KIF21A: variants seen among roughly 807,000 people sequenced by gnomAD.
The protein encoded by KIF21A is kinesin family member 21A, also known as kinesin-like protein KIF21A.
In KIF21A, 114 loss-of-function variants were observed where a neutral mutation model predicts 202.9. The observed-to-expected ratio is 0.56, with a 90% CI of 0.48 to 0.66. KIF21A has a LOEUF of 0.66. KIF21A is among the 30% of genes least tolerant of loss of function. The probability of loss-of-function intolerance (pLI) is 0.00; values close to 1 mark genes in which losing one functional copy is unlikely to be tolerated. For missense variants in KIF21A, 1,677 were observed against 1,994.9 expected, an observed-to-expected ratio of 0.84 and a Z score of 3.04; for synonymous variants, 667 against 670.8, an observed-to-expected ratio of 0.99 and a Z score of 0.09.
intron 32 of KIF21A, among the ~76,000 whole-genome samples, chr12:39,311,036 A>G (rs1943974932): frequency 1.3e-5 from 2 of 152,080 alleles, no homozygotes; most frequent in Admixed American, 1.3e-4. Flanking sequence ...ACTGCCTAGC[A>G]TAGCCCCTGA....
intron 5 of KIF21A, 140 bp downstream of exon 5, chr12:39,366,890 C>A: frequency 1.1e-6 from 1 of 879,854 alleles, no homozygotes; most frequent in Non-Finnish European, 1.8e-6. Context: ...CCAGCTTCAA[C>A]TTAACTAGGA....
intron 1 of KIF21A, among the ~76,000 whole-genome samples, chr12:39,397,605 A>C: frequency 6.6e-6 from 1 of 152,254 alleles, no homozygotes; most frequent in East Asian, 1.9e-4. Context: ...GACCCAGAAC[A>C]GTTCCTGGTA....
chr12:39,305,466 C>A (rs1185725236), intron 34 of KIF21A, among the ~76,000 whole-genome samples: 1 of 151,732 alleles, frequency 6.6e-6, no homozygotes, highest in East Asian at 1.9e-4. Flanking sequence ...ACACTGCAGT[C>A]TCAATCTCCT....
Position 39,340,348 on chromosome 12 carries a change from G to T in KIF21A, c.2127C>A (p.Tyr709Ter). ...TAACTTTTTTTGCTTTTTCTTCTGA[G>T]TAAGATTCTACCGAGCCTAAATGAC... Reference protein sequence around the residue: ...VLQNLGSVESYSEEKAKKVRS... With the variant: ...VLQNLGSVES Residue 709 changes from tyrosine to a stop codon, truncating the protein, a stop_gained, in exon 16 of 38, where the codon TAC becomes TAA. Transcript: ENST00000361418. LOFTEE classifies it high-confidence loss of function. 1 of 1,606,902 alleles carries T rather than the reference G, an allele frequency of 6.2e-7. No individual in the cohort carries two copies.
intron 3 of KIF21A, among the ~76,000 whole-genome samples, chr12:39,369,463 A>G (rs1949812816): frequency 6.6e-6 from 1 of 151,998 alleles, no homozygotes; most frequent in African/African-American, 2.4e-5. Flanking sequence ...CTTATCTCCA[A>G]AAAAATGGGG....
chr12:39,350,087 A>G (rs1264184252), intron 11 of KIF21A, among the ~76,000 whole-genome samples: 1 of 151,932 alleles, frequency 6.6e-6, no homozygotes, highest in African/African-American at 2.4e-5. Context: ...ACTCACAAAT[A>G]TTTTATCTCT....
chr12:39,405,598 C>T (rs1328175114), intron 1 of KIF21A, among the ~76,000 whole-genome samples: 6 of 151,968 alleles, frequency 3.9e-5, no homozygotes, highest in Non-Finnish European at 5.9e-5. Context: ...TGTTAAAAAG[C>T]TTCATATAGT....
chr12:39,421,742 T>TATACAC (rs1555200427), intron 1 of KIF21A, among the ~76,000 whole-genome samples: 209 of 143,002 alleles, frequency 1.5e-3, no homozygotes, highest in Non-Finnish European at 1.8e-3. Context: ...TATATATATA[T>TATACAC]ACACATACAC....
At chr12:39,427,386 G>A (rs1954849426) in intron 1 of KIF21A, among the ~76,000 whole-genome samples, 1 of 152,080 alleles carries the variant, frequency 6.6e-6, no homozygotes, top group Non-Finnish European at 1.5e-5. Flanking sequence ...ATACTCAACA[G>A]TAGTATTATC....
intron 1 of KIF21A, among the ~76,000 whole-genome samples, chr12:39,421,279 A>G (rs1221847524): frequency 2.0e-5 from 3 of 152,226 alleles, no homozygotes; most frequent in Non-Finnish European, 2.9e-5. Context: ...GGTTTGTATA[A>G]GTATACTCTA....
rs74416865 is a variant in KIF21A, at chr12:39,383,692, C to G, written c.45-13431G>C. Reference sequence around the variant, plus strand: ...GTCACACCTATAGTCCCAGCTACTGCGGAGGCTGAAGTGAGAGGATCGCTT... The same window carrying G: ...GTCACACCTATAGTCCCAGCTACTGGGGAGGCTGAAGTGAGAGGATCGCTT... On this transcript the variant is annotated intron_variant, in intron 1 of 37. Transcript: ENST00000361418. 1.1e-3 allele frequency among the ~76,000 whole-genome samples: 174 copies of G among 152,172 alleles called. 1 individual carries two copies. The highest frequency in any genetic ancestry group is 3.4e-3 in the Middle Eastern group (1 of 294).
At chr12:39,343,724 T>A (rs561506135) in intron 12 of KIF21A, among the ~76,000 whole-genome samples, 1 of 152,232 alleles carries the variant, frequency 6.6e-6, no homozygotes, top group Non-Finnish European at 1.5e-5. Context: ...GTTTATGTTA[T>A]TATTTATTTA....
rs1041864935 is a variant in KIF21A at position 39,443,006 on chromosome 12, G to A, written c.-36C>T. The A allele has an allele frequency of 1.3e-6, 2 of 1,512,360 alleles. No homozygotes were observed. The highest frequency in any genetic ancestry group is 2.0e-5 in the Admixed American group (1 of 49,378). The allele number at this position is 1,512,360 out of a possible 1,614,324, so 93.7% of individuals were successfully genotyped here. ...GGCAGCGATCGAGCCGTTGGGCCTC[G>A]GCACCGCAGAGCTGAGGCGCCACTG... On this transcript the variant is annotated 5_prime_UTR_variant, in exon 1 of 38. Transcript: ENST00000361418.
Position 39,333,298 on chromosome 12 carries a change from A to G in KIF21A, c.2419-18T>C. 6.9e-7 allele frequency: 1 copy of G among 1,457,106 alleles called. No individual in the cohort carries two copies. The highest frequency in any genetic ancestry group is 2.3e-5 in the East Asian group (1 of 44,128). 90.3% of individuals were successfully genotyped at this position (1,457,106 alleles called of 1,614,324 possible). ...AGTTGATGCTATAAAATAATATTAA[A>G]TAAGTGGAAATAGTAAAGTGAAAGA... On this transcript the variant is annotated intron_variant, in intron 17 of 37. Transcript: ENST00000361418.
chr12:39,440,950 G>A (rs1939485237), intron 1 of KIF21A, among the ~76,000 whole-genome samples: 1 of 152,046 alleles, frequency 6.6e-6, no homozygotes, highest in Non-Finnish European at 1.5e-5. Context: ...ATGAGGTTGA[G>A]GCTGCAGTGA....
At chr12:39,337,008 T>C (rs746733945) in intron 17 of KIF21A, 88 bp downstream of exon 17, 13 of 820,602 alleles carry the variant, frequency 1.6e-5, no homozygotes, top group East Asian at 2.5e-5. Context: ...TTAGTAGTTA[T>C]GGTTACCAGA....
At chr12:39,433,352 T>A (rs936428197) in intron 1 of KIF21A, among the ~76,000 whole-genome samples, 1 of 151,806 alleles carries the variant, frequency 6.6e-6, no homozygotes, top group Admixed American at 6.6e-5. Context: ...TAGCTCCAGG[T>A]CCCAGAAAAA....
intron 1 of KIF21A, among the ~76,000 whole-genome samples, chr12:39,436,896 T>C (rs1938875653): frequency 6.6e-6 from 1 of 152,172 alleles, no homozygotes; most frequent in Non-Finnish European, 1.5e-5. Flanking sequence ...TGTTTTATTT[T>C]GAATAAAATT....
intron 7 of KIF21A, among the ~76,000 whole-genome samples, chr12:39,358,786 A>T (rs1272589149): frequency 6.6e-6 from 1 of 152,248 alleles, no homozygotes; most frequent in Non-Finnish European, 1.5e-5. Context: ...GCCAGCAAAG[A>T]ATTGTACACA....
Sources: allele counts gnomAD v4.1 joint callset (sites outside exome capture counted in the v4.1 genomes callset), GRCh38; gene constraint gnomAD v4.1.1; transcripts MANE v1.5; gene names NCBI Gene and HGNC (gene_info 2026-07-23, HGNC 2026-07-21).